Variants in DLGAP2 observed in about 807,000 individuals in gnomAD.
The protein encoded by DLGAP2 is disks large-associated protein 2.
In DLGAP2, 26 loss-of-function variants were observed where a neutral mutation model predicts 100.3. The observed-to-expected ratio is 0.26, with a 90% CI of 0.19 to 0.36. The LOEUF (loss-of-function observed/expected upper bound fraction) is 0.36, where lower values mean the gene tolerates loss of function less well. Ranked by LOEUF, DLGAP2 falls within the 10% of genes least tolerant of loss-of-function variation. DLGAP2 has a pLI of 1.00. For missense variants in DLGAP2, 1,858 were observed against 1,453.2 expected (o/e 1.28, Z -4.53); for synonymous variants, 886 against 630.1 (o/e 1.41, Z -6.08).
chr8:1,043,204 C>CGGGTGGTGGGGGT (rs1802415866), intron 2 of DLGAP2, among the ~76,000 whole-genome samples: 1 of 46,628 alleles, frequency 2.1e-5, no homozygotes, highest in Non-Finnish European at 3.8e-5. Flanking sequence ...GTGGTGGATG[C>CGGGTGGTGGGGGT]GGGTGGTGGG....
chr8:753,691 G>A (rs903038922), intron 1 of DLGAP2: 14 of 152,278 alleles, frequency 9.2e-5, no homozygotes, highest in African/African-American at 3.1e-4. Context: ...GAATGCTGTG[G>A]GTATAAAAAC....
chr8:804,323 C>G lies in DLGAP2; in HGVS notation c.18+66498C>G, dbSNP rs549700346. Among the ~76,000 whole-genome samples, 166 of 152,274 alleles carry G rather than the reference C, an allele frequency of 1.1e-3. 1 individual carries two copies. The highest frequency in any genetic ancestry group is 3.9e-3 in the African/African-American group (162 of 41,550). ...ATGTTATGGATCCAGTGCTGAGACT[C>G]TTATGTAAGTTCAAAGAGAGGCAGG... On this transcript the variant is annotated intron_variant, in intron 1 of 14. Coordinates refer to ENST00000637795, the MANE Select transcript of DLGAP2 (RefSeq NM_001346810.2).
chr8:1,552,162 C>T (rs1331765521), intron 5 of DLGAP2, among the ~76,000 whole-genome samples: 1 of 152,214 alleles, frequency 6.6e-6, no homozygotes, highest in East Asian at 1.9e-4. Flanking sequence ...CTCACGTCCA[C>T]TCAGATGACA....
intron 5 of DLGAP2, among the ~76,000 whole-genome samples, chr8:1,563,474 C>T (rs368883143): frequency 4.6e-5 from 5 of 108,116 alleles, no homozygotes; most frequent in Non-Finnish European, 7.6e-5. Context: ...GGGGTGTCCG[C>T]GCCTCGTTAC....
intron 2 of DLGAP2, among the ~76,000 whole-genome samples, chr8:1,089,249 A>T (rs1211658756): frequency 6.6e-6 from 1 of 152,256 alleles, no homozygotes; most frequent in African/African-American, 2.4e-5. Flanking sequence ...GAAAGTAACA[A>T]ATCTCTTAGG....
Position 1,707,178 on chromosome 8 carries a change from G to C in DLGAP2, c.*5772G>C, listed in dbSNP as rs1799730566. ...AACTCTTTTCATTGGTGCTTATTCAGAACCTGAAAGCCTTGGGCATCCAAG... is the reference window on the plus strand; with the variant it reads ...AACTCTTTTCATTGGTGCTTATTCACAACCTGAAAGCCTTGGGCATCCAAG... On this transcript the variant is annotated 3_prime_UTR_variant, in exon 15 of 15. Coordinates refer to ENST00000637795, the MANE Select transcript of DLGAP2 (RefSeq NM_001346810.2). 1 of 152,564 alleles carries C rather than the reference G, an allele frequency of 6.6e-6. No individual in the cohort carries two copies. The highest frequency in any genetic ancestry group is 1.9e-4 in the East Asian group (1 of 5,188). 9.5% of individuals were successfully genotyped at this position (152,564 alleles called of 1,614,324 possible). A position where few individuals can be genotyped will look rare whatever the true frequency, so the allele number is the denominator to read the frequency against.
At chr8:807,255 T>A (rs1413527756) in intron 1 of DLGAP2, among the ~76,000 whole-genome samples, 1 of 151,240 alleles carries the variant, frequency 6.6e-6, no homozygotes, top group Non-Finnish European at 1.5e-5. Context: ...TTCTTCTCAT[T>A]CATACGTTCT....
chr8:1,459,684 CTTTTTTT>C (rs3052056), intron 3 of DLGAP2, among the ~76,000 whole-genome samples: 4 of 120,824 alleles, frequency 3.3e-5, no homozygotes, highest in South Asian at 2.8e-4. Context: ...CTGTTGTTTT[CTTTTTTT>C]TTTTTTTTTT....
At chr8:849,099 T>C (rs1483609562) in intron 1 of DLGAP2, among the ~76,000 whole-genome samples, 1 of 151,462 alleles carries the variant, frequency 6.6e-6, no homozygotes, top group Non-Finnish European at 1.5e-5. Context: ...CATGTTCCAG[T>C]ATAGGAATGT....
chr8:1,317,890 G>A (rs1352471960), intron 3 of DLGAP2, among the ~76,000 whole-genome samples: 1 of 137,508 alleles, frequency 7.3e-6, no homozygotes, highest in Non-Finnish European at 1.6e-5. Flanking sequence ...TGTGAGTGCA[G>A]CGTCTCTCCA....
At chr8:1,122,646 A>G (rs995568744) in intron 2 of DLGAP2, among the ~76,000 whole-genome samples, 2 of 152,212 alleles carry the variant, frequency 1.3e-5, no homozygotes, top group African/African-American at 2.4e-5. Flanking sequence ...ATAACAAGGT[A>G]GAACTGATAC....
At chr8:1,524,121 G>A (rs1800710446) in intron 4 of DLGAP2, among the ~76,000 whole-genome samples, 1 of 152,162 alleles carries the variant, frequency 6.6e-6, no homozygotes, top group Non-Finnish European at 1.5e-5. Flanking sequence ...TCCCCAGACG[G>A]GGCTGGCCTT....
At chr8:839,554 G>T (rs371721544) in intron 1 of DLGAP2, among the ~76,000 whole-genome samples, 2 of 152,234 alleles carry the variant, frequency 1.3e-5, no homozygotes, top group African/African-American at 4.8e-5. Context: ...TACCATGGTG[G>T]TTCCCAGGCC....
intron 2 of DLGAP2, among the ~76,000 whole-genome samples, chr8:1,009,233 C>T (rs1366748013): frequency 6.6e-6 from 1 of 152,210 alleles, no homozygotes; most frequent in Non-Finnish European, 1.5e-5. Context: ...TCCTTCCTCC[C>T]CTCCTTCAGT....
chr8:1,559,441 C>T (rs996894336), intron 5 of DLGAP2, among the ~76,000 whole-genome samples: 1 of 152,168 alleles, frequency 6.6e-6, no homozygotes, highest in Non-Finnish European at 1.5e-5. Context: ...AGTCTCCAGA[C>T]ATATGCTTTG....
At chr8:1,680,116 T>A (rs1180383679) in intron 12 of DLGAP2, among the ~76,000 whole-genome samples, 1 of 152,138 alleles carries the variant, frequency 6.6e-6, no homozygotes, top group Admixed American at 6.5e-5. Context: ...CTACAACTAA[T>A]GCTTATGTTT....
intron 2 of DLGAP2, among the ~76,000 whole-genome samples, chr8:1,205,096 C>T (rs111596478): frequency 2.6e-5 from 4 of 152,306 alleles, no homozygotes; most frequent in African/African-American, 7.2e-5. Flanking sequence ...GTTTCCTGTC[C>T]GTCAAGGAGG....
chr8:972,790 G>C (rs1800048748), intron 2 of DLGAP2, among the ~76,000 whole-genome samples: 1 of 152,130 alleles, frequency 6.6e-6, no homozygotes, highest in East Asian at 1.9e-4. Flanking sequence ...TTGTGTCCCT[G>C]GGTACTTGAG....
In DLGAP2 at chr8:1,459,790, A is replaced by G. The variant is rs958530079; in HGVS notation, c.107-41576A>G. 8.6e-5 allele frequency among the ~76,000 whole-genome samples: 13 copies of G among 150,290 alleles called. 1 individual carries two copies. Among genetic ancestry groups the G allele is most frequent in the Admixed American group, 4.7e-4 (7 of 14,930 alleles). ...AACCTCTGCCTCCCAGGTTCAAGCAATTATCCTGTGTCAGCCTCCCGAGTA... is the reference window on the plus strand; with the variant it reads ...AACCTCTGCCTCCCAGGTTCAAGCAGTTATCCTGTGTCAGCCTCCCGAGTA... On this transcript the variant is annotated intron_variant, in intron 3 of 14. Transcript: ENST00000637795.
Sources: gnomAD v4.1 joint callset for allele counts (sites outside exome capture counted in the v4.1 genomes callset) on GRCh38, gnomAD v4.1.1 for gene constraint, MANE v1.5 for transcripts, NCBI Gene and HGNC (gene_info 2026-07-23, HGNC 2026-07-21) for gene names.